Variants in ATG7 observed in about 807,000 individuals in gnomAD.
ATG7 encodes autophagy related 7.
In ATG7, 70 loss-of-function variants were observed where a neutral mutation model predicts 82.4. The observed-to-expected ratio is 0.85, with a 90% CI of 0.70 to 1.04. The LOEUF (loss-of-function observed/expected upper bound fraction) is 1.04. Among genes scored for constraint, ATG7 ranks in the 50% least tolerant of loss-of-function variants. ATG7 has a pLI of 0.00. For missense variants in ATG7, 792 were observed against 864.3 expected, an observed-to-expected ratio of 0.92 and a Z score of 1.05; for synonymous variants, 287 against 313.0, an observed-to-expected ratio of 0.92 and a Z score of 0.88.
chr3:11,427,450 T>TA (rs2082460013), intron 20 of ATG7, among the ~76,000 whole-genome samples: 1 of 151,304 alleles, frequency 6.6e-6, no homozygotes, highest in South Asian at 2.1e-4. Context: ...GTTTCTCAGC[T>TA]AAAATATTTT....
intron 20 of ATG7, among the ~76,000 whole-genome samples, chr3:11,430,381 T>C (rs1238748470): frequency 2.0e-5 from 3 of 152,228 alleles, no homozygotes; most frequent in Admixed American, 6.5e-5. Context: ...TTGATTTACA[T>C]ACTTGATTCT....
intron 19 of ATG7, among the ~76,000 whole-genome samples, chr3:11,405,776 T>C (rs976885061): frequency 6.6e-6 from 1 of 151,622 alleles, no homozygotes; most frequent in African/African-American, 2.4e-5. Flanking sequence ...TACAAATGCA[T>C]GTCACCACGC....
chr3:11,324,751 A>G (rs996204616), intron 9 of ATG7, among the ~76,000 whole-genome samples: 1 of 152,124 alleles, frequency 6.6e-6, no homozygotes, highest in Non-Finnish European at 1.5e-5. Context: ...ATAATATTCT[A>G]GTTTATATAA....
chr3:11,355,649 A>C (rs2152804290), intron 14 of ATG7, among the ~76,000 whole-genome samples: 1 of 152,344 alleles, frequency 6.6e-6, no homozygotes, highest in South Asian at 2.1e-4. Context: ...ATACAAGTTA[A>C]AACCAGAGAG....
intron 5 of ATG7, among the ~76,000 whole-genome samples, chr3:11,305,071 A>G (rs1450044511): frequency 2.6e-5 from 4 of 152,154 alleles, no homozygotes; most frequent in Non-Finnish European, 4.4e-5. Flanking sequence ...GGATTTGCCT[A>G]TTCTGCATAT....
At chr3:11,360,160 C>G (rs1178436182) in intron 15 of ATG7, among the ~76,000 whole-genome samples, 1 of 152,230 alleles carries the variant, frequency 6.6e-6, no homozygotes, top group Non-Finnish European at 1.5e-5. Context: ...TTTCTCATGC[C>G]TCTGCCTCCT....
Position 11,497,363 on chromosome 3 carries a change from A to ATATATG in ATG7, c.2080-57443_2080-57442insGTATAT, listed in dbSNP as rs1408489575. 1.5e-3 allele frequency among the ~76,000 whole-genome samples: 95 copies of ATATATG among 62,552 alleles called. 6 individuals carry two copies. The East Asian group carries it at 0.021, about 14-fold the overall frequency. The allele number at this position is 62,552 out of a possible 152,430, so 41.0% of individuals were successfully genotyped here. ...CCCGTCTGTACTAAAAATACTATAT[A>ATATATG]TATATATATATATATATATATATAT... On this transcript the variant is annotated intron_variant, in intron 20 of 20. Transcript: ENST00000693202.
At chr3:11,404,125 ATTTT>A (rs10591303) in intron 19 of ATG7, among the ~76,000 whole-genome samples, 8 of 76,926 alleles carry the variant, frequency 1.0e-4, no homozygotes, top group African/African-American at 2.2e-4. Flanking sequence ...AACCAGCTCA[ATTTT>A]TTTTTTTTTT....
intron 20 of ATG7, among the ~76,000 whole-genome samples, chr3:11,469,888 G>C (rs1184443393): frequency 6.6e-6 from 1 of 151,360 alleles, no homozygotes; most frequent in African/African-American, 2.4e-5. Context: ...TACTTGGAAG[G>C]CTGAGGCAGG....
chr3:11,281,675 G>A (rs1943062113), intron 2 of ATG7, among the ~76,000 whole-genome samples: 1 of 151,614 alleles, frequency 6.6e-6, no homozygotes, highest in Non-Finnish European at 1.5e-5. Flanking sequence ...TTGGGAGGCT[G>A]AGGCAGGAGA....
intron 20 of ATG7, among the ~76,000 whole-genome samples, chr3:11,528,056 T>C (rs759477448): frequency 1.4e-4 from 21 of 152,202 alleles, no homozygotes; most frequent in Admixed American, 1.3e-4. Context: ...CCCTTCTGCT[T>C]CAATTGTGGG....
chr3:11,284,263 A>G (rs371811177), intron 3 of ATG7, among the ~76,000 whole-genome samples: 2 of 152,152 alleles, frequency 1.3e-5, no homozygotes, highest in East Asian at 1.9e-4. Flanking sequence ...GCTGTGTCCA[A>G]TCCTAGAGGG....
Position 11,495,389 on chromosome 3 carries a change from G to A in ATG7, c.2080-59422G>A, listed in dbSNP as rs180935784. 7.6e-4 allele frequency among the ~76,000 whole-genome samples: 115 copies of A among 152,248 alleles called. 1 individual carries two copies. The highest frequency in any genetic ancestry group is 3.9e-3 in the Admixed American group (60 of 15,294). ...AAAGTGTCTCATCCTGAGGAGAGATGAGGCACTGAAATCCATGGACACCCT... is the reference window on the plus strand; with the variant it reads ...AAAGTGTCTCATCCTGAGGAGAGATAAGGCACTGAAATCCATGGACACCCT... On this transcript the variant is annotated intron_variant, in intron 20 of 20. Transcript: ENST00000693202.
chr3:11,558,475 ATTTTTTTTTTT>A (rs369629845), downstream of ATG7: 1 of 654,868 alleles, frequency 1.5e-6, no homozygotes, highest in Admixed American at 3.4e-5. Context: ...CACCCCCATG[ATTTTTTTTTTT>A]TTAAGTACTG....
intron 15 of ATG7, among the ~76,000 whole-genome samples, chr3:11,359,811 G>A (rs370676913): frequency 1.3e-5 from 2 of 152,130 alleles, no homozygotes; most frequent in Admixed American, 6.6e-5. Flanking sequence ...TATGTGAAGG[G>A]TGAATTATAT....
At chr3:11,315,286 T>TA in intron 8 of ATG7, 58 bp from the exon 9 acceptor site, 1 of 1,408,514 alleles carries the variant, frequency 7.1e-7, no homozygotes, top group Non-Finnish European at 9.3e-7. Context: ...AGTTAGTTTT[T>TA]AGCCCAGAAC....
intron 20 of ATG7, among the ~76,000 whole-genome samples, chr3:11,433,278 T>C (rs2152955043): frequency 7.8e-6 from 1 of 128,120 alleles, no homozygotes; most frequent in East Asian, 2.2e-4. Flanking sequence ...AGCAAGACCC[T>C]GTCTCTTATT....
chr3:11,403,421 G>C (rs1450843174), intron 19 of ATG7, among the ~76,000 whole-genome samples: 1 of 151,802 alleles, frequency 6.6e-6, no homozygotes, highest in Non-Finnish European at 1.5e-5. Flanking sequence ...AATGGTAATT[G>C]TTTCATCTTG....
At chr3:11,482,826 C>G (rs1271725734) in intron 20 of ATG7, among the ~76,000 whole-genome samples, 4 of 151,104 alleles carry the variant, frequency 2.6e-5, no homozygotes, top group Admixed American at 6.6e-5. Flanking sequence ...CATTTGTATA[C>G]AATTAAGTGC....
Sources: allele counts gnomAD v4.1 joint callset (sites outside exome capture counted in the v4.1 genomes callset), GRCh38; gene constraint gnomAD v4.1.1; transcripts MANE v1.5; gene names NCBI Gene and HGNC (gene_info 2026-07-23, HGNC 2026-07-21).